Variants in ERGIC1 observed in about 807,000 individuals in gnomAD.
ERGIC1 encodes endoplasmic reticulum-golgi intermediate compartment 1.
In ERGIC1, 19 loss-of-function variants were observed where a neutral mutation model predicts 38.3. That is an observed-to-expected ratio of 0.50 (90% CI 0.35 to 0.73). The LOEUF is 0.73. ERGIC1 is among the 30% of genes least tolerant of loss of function. The pLI, the probability that ERGIC1 is intolerant of heterozygous loss-of-function variation, is 0.01. For missense variants in ERGIC1, 294 were observed against 389.2 expected, an observed-to-expected ratio of 0.76 and a Z score of 2.06; for synonymous variants, 124 against 157.6, an observed-to-expected ratio of 0.79 and a Z score of 1.60.
chr5:172,870,623 T>C (rs1761979396), intron 1 of ERGIC1, among the ~76,000 whole-genome samples: 1 of 152,244 alleles, frequency 6.6e-6, no homozygotes, highest in Non-Finnish European at 1.5e-5. Flanking sequence ...TTTTATTTTC[T>C]CATGTGGGCT....
chr5:172,850,028 T>C (rs1248883018), intron 1 of ERGIC1, among the ~76,000 whole-genome samples: 1 of 152,196 alleles, frequency 6.6e-6, no homozygotes, highest in Non-Finnish European at 1.5e-5. Flanking sequence ...TCTGATCTAG[T>C]GTTGGGTGTG....
At chr5:172,884,549 G>A (rs1762372234) in intron 1 of ERGIC1, among the ~76,000 whole-genome samples, 1 of 152,182 alleles carries the variant, frequency 6.6e-6, no homozygotes, top group Non-Finnish European at 1.5e-5. Context: ...GCCACTGACT[G>A]TGTCTGGCCT....
rs188326922 is a variant in ERGIC1, at chr5:172,938,994, C to G, written c.765+3684C>G. ...AGGAGAATTGCTTGAACCTGGCAGA[C>G]AGAGGTTGCAGTGAGCCGAGATCAC... On this transcript the variant is annotated intron_variant, in intron 9 of 9. Transcript: ENST00000393784. Among the ~76,000 whole-genome samples, 123 of 151,588 alleles carry G rather than the reference C, an allele frequency of 8.1e-4. 1 individual carries two copies. The highest frequency in any genetic ancestry group is 2.1e-4 in the Non-Finnish European group (14 of 67,964).
intron 1 of ERGIC1, among the ~76,000 whole-genome samples, chr5:172,835,303 C>T (rs995679414): frequency 6.6e-6 from 1 of 152,200 alleles, no homozygotes; most frequent in South Asian, 2.1e-4. Flanking sequence ...GCCCTTTCTA[C>T]TGAACAGCTC....
intron 3 of ERGIC1, among the ~76,000 whole-genome samples, chr5:172,898,817 C>T (rs1375507357): frequency 6.6e-6 from 1 of 152,122 alleles, no homozygotes; most frequent in African/African-American, 2.4e-5. Flanking sequence ...TTATTCCCCC[C>T]AGGCCTCTAA....
chr5:172,834,564 T>G lies in ERGIC1; in HGVS notation c.20+131T>G. 1.2e-6 allele frequency: 1 copy of G among 866,772 alleles called. No homozygotes were observed. The highest frequency in any genetic ancestry group is 1.5e-6 in the Non-Finnish European group (1 of 682,168). The allele number at this position is 866,772 out of a possible 1,614,324, so 53.7% of individuals were successfully genotyped here. On this transcript the variant is annotated intron_variant, in intron 1 of 9. Coordinates refer to ENST00000393784, the MANE Select transcript of ERGIC1 (RefSeq NM_001031711.3). The surrounding 1 kb of genome is among the most constrained non-coding windows in gnomAD (Gnocchi z 4.1). ...CCCTGTGCATGCCTCCGCAGGCCCC[T>G]AGGGACCCCAGGCGAGCCCCCCCCC...
intron 1 of ERGIC1, among the ~76,000 whole-genome samples, chr5:172,854,836 GT>G (rs2113057937): frequency 6.6e-6 from 1 of 152,372 alleles, no homozygotes; most frequent in South Asian, 2.1e-4. Flanking sequence ...TTATTTGGAA[GT>G]TTGGTGTTGT....
intron 9 of ERGIC1, among the ~76,000 whole-genome samples, chr5:172,940,434 A>G (rs548758150): frequency 8.5e-5 from 13 of 152,176 alleles, no homozygotes; most frequent in Non-Finnish European, 1.8e-4. Flanking sequence ...CCACACACAC[A>G]TTTGTCCTGT....
intron 5 of ERGIC1, chr5:172,920,318 G>A (rs1413326754): frequency 4.2e-6 from 3 of 717,646 alleles, no homozygotes; most frequent in Admixed American, 4.0e-5. Flanking sequence ...CTCTCTCCCA[G>A]CATCAGGCTG....
intron 9 of ERGIC1, among the ~76,000 whole-genome samples, chr5:172,939,335 T>G (rs1763957473): frequency 6.6e-6 from 1 of 152,186 alleles, no homozygotes; most frequent in Non-Finnish European, 1.5e-5. Context: ...TGGGAAGCTC[T>G]AAGAATAGAA....
intron 9 of ERGIC1, among the ~76,000 whole-genome samples, chr5:172,938,397 T>G (rs1763932045): frequency 6.6e-6 from 1 of 152,208 alleles, no homozygotes; most frequent in African/African-American, 2.4e-5. Flanking sequence ...CAGAAGGCTC[T>G]TTTCTGTCCC....
At chr5:172,903,362 T>C (rs1307654782) in intron 3 of ERGIC1, among the ~76,000 whole-genome samples, 2 of 152,080 alleles carry the variant, frequency 1.3e-5, no homozygotes, top group African/African-American at 4.8e-5. Context: ...GAAAAAGGAC[T>C]AGGATGCCTG....
At chr5:172,859,641 A>C (rs1351590731) in intron 1 of ERGIC1, among the ~76,000 whole-genome samples, 2 of 152,130 alleles carry the variant, frequency 1.3e-5, no homozygotes, top group African/African-American at 4.8e-5. Flanking sequence ...CTCTGAGGGA[A>C]TCACCTTAAA....
chr5:172,892,073 T>TTTTTTTTTG (rs1762579091), intron 2 of ERGIC1, among the ~76,000 whole-genome samples: 1 of 146,910 alleles, frequency 6.8e-6, no homozygotes, highest in Non-Finnish European at 1.5e-5. Context: ...TTTTTTTTTT[T>TTTTTTTTTG]TTTTTTTTTT....
In ERGIC1 at chr5:172,903,970, C is replaced by T. The variant is rs530922142; in HGVS notation, c.156-5697C>T. 2.9e-5 allele frequency among the ~76,000 whole-genome samples: 4 copies of T among 140,078 alleles called. No individual in the cohort carries two copies. In the East Asian group the frequency reaches 7.8e-4, roughly 27 times the overall value. The allele number at this position is 140,078 out of a possible 152,430, so 91.9% of individuals were successfully genotyped here. A position where few individuals can be genotyped will look rare whatever the true frequency, so the allele number is the denominator to read the frequency against. On this transcript the variant is annotated intron_variant, in intron 3 of 9. Transcript: ENST00000393784. ...AAGAGAGAGATGAGTCTCACACATA[C>T]ACACACACACACACACACATTGACT...
Position 172,837,248 on chromosome 5 carries a change from T to C in ERGIC1, c.20+2815T>C, listed in dbSNP as rs533305383. Among the ~76,000 whole-genome samples, 1 of 152,222 alleles carries C rather than the reference T, an allele frequency of 6.6e-6. No individual in the cohort carries two copies. Among genetic ancestry groups the C allele is most frequent in the Non-Finnish European group, 1.5e-5 (1 of 68,040 alleles). ...AGCCTGGTGCAACTGAGTTCTGTGTTTTCCTGTCTGTGAAATGGGAATGAG... is the reference window on the plus strand; with the variant it reads ...AGCCTGGTGCAACTGAGTTCTGTGTCTTCCTGTCTGTGAAATGGGAATGAG... On this transcript the variant is annotated intron_variant, in intron 1 of 9. Coordinates refer to ENST00000393784, the MANE Select transcript of ERGIC1 (RefSeq NM_001031711.3). This position sits in a 1 kb window ranked among gnomAD's most constrained non-coding sequence, Gnocchi z 4.3.
Position 172,849,426 on chromosome 5 carries a change from C to A in ERGIC1, c.20+14993C>A, listed in dbSNP as rs1761350320. 2.0e-5 allele frequency among the ~76,000 whole-genome samples: 3 copies of A among 152,260 alleles called. No homozygotes were observed. The South Asian group carries it at 6.2e-4, about 32-fold the overall frequency. On this transcript the variant is annotated intron_variant, in intron 1 of 9. Transcript: ENST00000393784. Reference sequence around the variant, plus strand: ...GGGAGACCCTGAATAAGGGTTCCCCCATTATGTTCCCAGCGTAACTCTGGA... The same window carrying A: ...GGGAGACCCTGAATAAGGGTTCCCCAATTATGTTCCCAGCGTAACTCTGGA...
chr5:172,877,462 T>A (rs58415668), intron 1 of ERGIC1, among the ~76,000 whole-genome samples: 12,238 of 127,758 alleles, frequency 0.096, 673 homozygotes, highest in East Asian at 0.12. Flanking sequence ...ATATATATTT[T>A]TTTTTTTTTT....
intron 1 of ERGIC1, among the ~76,000 whole-genome samples, chr5:172,860,957 C>T (rs1275826493): frequency 6.6e-6 from 1 of 152,196 alleles, no homozygotes; most frequent in African/African-American, 2.4e-5. Context: ...TGGAGACCGG[C>T]CCTGGCACTG....
Sources: allele counts gnomAD v4.1 joint callset (sites outside exome capture counted in the v4.1 genomes callset), GRCh38; gene constraint gnomAD v4.1.1; non-coding constraint Gnocchi (gnomAD v3.1); transcripts MANE v1.5; gene names NCBI Gene and HGNC (gene_info 2026-07-23, HGNC 2026-07-21).